Variants in GRAMD1C observed in about 807,000 individuals in gnomAD.
GRAMD1C encodes GRAM domain containing 1C.
A neutral mutation model predicts 97.8 loss-of-function variants in GRAMD1C; 89 were observed. The ratio of observed to expected loss-of-function variants is 0.91; its 90% CI spans 0.77 to 1.09. The LOEUF (loss-of-function observed/expected upper bound fraction) is 1.09. Ranked by LOEUF, GRAMD1C falls within the 50% of genes least tolerant of loss-of-function variation. The pLI is 0.00. For missense variants in GRAMD1C, 740 were observed against 766.4 expected, an observed-to-expected ratio of 0.97 and a Z score of 0.41; for synonymous variants, 256 against 267.0, an observed-to-expected ratio of 0.96 and a Z score of 0.40.
chr3:113,858,808 C>G (rs998913803), intron 2 of GRAMD1C, among the ~76,000 whole-genome samples: 1 of 152,132 alleles, frequency 6.6e-6, no homozygotes, highest in Non-Finnish European at 1.5e-5. Context: ...ACCCGCCCTC[C>G]TCGGCTTCCC....
In GRAMD1C at chr3:113,939,985, G is replaced by T; in HGVS notation, c.1791G>T (p.Glu597Asp). 6.4e-7 allele frequency: 1 copy of T among 1,555,246 alleles called. No homozygotes were observed. The highest frequency in any genetic ancestry group is 8.9e-7 in the Non-Finnish European group (1 of 1,126,432). ...TTTACCGTCTCCGCCTCCAAGAAGAGAAATCTTTAAAGTAAGTCTTTTTCC... is the reference window on the plus strand; with the variant it reads ...TTTACCGTCTCCGCCTCCAAGAAGATAAATCTTTAAAGTAAGTCTTTTTCC... ...QSFYRLRLQE[E>D]KSLNLASDMV... The change falls in exon 16 of 18, where the codon GAG becomes GAT. Residue 597 changes from glutamate (E) to aspartate (D), a missense_variant. Physicochemically the swap from Glu to Asp is conservative, Grantham distance 45. Coordinates refer to ENST00000358160, the MANE Select transcript of GRAMD1C (RefSeq NM_017577.5).
In GRAMD1C at chr3:113,876,273, C is replaced by T. The variant is rs1313643679; in HGVS notation, c.459+13C>T. 3 of 1,380,876 alleles carry T rather than the reference C, an allele frequency of 2.2e-6. No individual in the cohort carries two copies. Among genetic ancestry groups the T allele is most frequent in the East Asian group, 4.6e-5 (2 of 43,720 alleles). The allele number at this position is 1,380,876 out of a possible 1,614,324, so 85.5% of individuals were successfully genotyped here. A position where few individuals can be genotyped will look rare whatever the true frequency, so the allele number is the denominator to read the frequency against. On this transcript the variant is annotated intron_variant, in intron 5 of 17. Coordinates refer to ENST00000358160, the MANE Select transcript of GRAMD1C (RefSeq NM_017577.5). ...AGAAAGTGAAAAGGTGAAAACTTTC[C>T]TATCTTTGTTATATTACATAATGTG...
chr3:113,848,191 G>A (rs1933700134), intron 2 of GRAMD1C, among the ~76,000 whole-genome samples: 1 of 152,158 alleles, frequency 6.6e-6, no homozygotes, highest in African/African-American at 2.4e-5. Flanking sequence ...TAGAGTCTCT[G>A]CTCTGCATCT....
chr3:113,920,988 G>T (rs1276268687), intron 10 of GRAMD1C, among the ~76,000 whole-genome samples: 1 of 152,134 alleles, frequency 6.6e-6, no homozygotes, highest in African/African-American at 2.4e-5. Flanking sequence ...ATGGGAGTTT[G>T]GTGTACAGAT....
intron 6 of GRAMD1C, among the ~76,000 whole-genome samples, chr3:113,888,910 T>A (rs537465211): frequency 1.6e-4 from 25 of 152,222 alleles, no homozygotes; most frequent in African/African-American, 6.0e-4. Flanking sequence ...AATGTATAAA[T>A]AAAATGTATG....
At chr3:113,878,321 T>C (rs886718907) in intron 5 of GRAMD1C, among the ~76,000 whole-genome samples, 2 of 152,106 alleles carry the variant, frequency 1.3e-5, no homozygotes, top group African/African-American at 4.8e-5. Flanking sequence ...ATTTACCTAT[T>C]TTTCTGGCCC....
At chr3:113,877,438 T>C (rs968085066) in intron 5 of GRAMD1C, among the ~76,000 whole-genome samples, 1 of 152,232 alleles carries the variant, frequency 6.6e-6, no homozygotes, top group African/African-American at 2.4e-5. Context: ...GATTACACAT[T>C]ACATTTAGTT....
intron 1 of GRAMD1C, among the ~76,000 whole-genome samples, chr3:113,842,638 C>G (rs1310485870): frequency 6.6e-6 from 1 of 151,996 alleles, no homozygotes; most frequent in Non-Finnish European, 1.5e-5. Context: ...AGAGGCTTCC[C>G]CCATGGCAAT....
chr3:113,941,533 A>G (rs1269486177), intron 17 of GRAMD1C, among the ~76,000 whole-genome samples: 1 of 151,382 alleles, frequency 6.6e-6, no homozygotes, highest in Non-Finnish European at 1.5e-5. Context: ...AAATTCTTCC[A>G]TTGAGTTTTT....
intron 8 of GRAMD1C, 72 bp downstream of exon 8, chr3:113,904,344 G>A (rs1936281366): frequency 9.5e-7 from 1 of 1,057,974 alleles, no homozygotes; most frequent in Non-Finnish European, 1.4e-6. Flanking sequence ...AGATAAATAA[G>A]GATACAGTAT....
Position 113,867,115 on chromosome 3 carries a change from C to T in GRAMD1C, c.175-2392C>T, listed in dbSNP as rs187582149. On this transcript the variant is annotated intron_variant, in intron 2 of 17. Coordinates refer to ENST00000358160, the MANE Select transcript of GRAMD1C (RefSeq NM_017577.5). Reference sequence around the variant, plus strand: ...AAGTGCTGGGATTACAGGCGTGAGCCGTCATGCCTGGCCCACCCTTATGTC... The same window carrying T: ...AAGTGCTGGGATTACAGGCGTGAGCTGTCATGCCTGGCCCACCCTTATGTC... Among the ~76,000 whole-genome samples the T allele has an allele frequency of 2.9e-3, 440 of 152,080 alleles. 2 individuals carry two copies. The highest frequency in any genetic ancestry group is 9.6e-3 in the African/African-American group (397 of 41,476).
chr3:113,919,989 T>C, intron 10 of GRAMD1C: 1 of 672,840 alleles, frequency 1.5e-6, no homozygotes, highest in Non-Finnish European at 2.8e-6. Flanking sequence ...GATATGACCC[T>C]ACTCCAACAA....
At chr3:113,887,609 GAGAA>G (rs112601607) in intron 6 of GRAMD1C, among the ~76,000 whole-genome samples, 49,604 of 149,826 alleles carry the variant, frequency 0.33, 8,727 homozygotes, top group East Asian at 0.62. Context: ...GCTGAGGCAG[GAGAA>G]AGGAGAATGG....
intron 9 of GRAMD1C, among the ~76,000 whole-genome samples, chr3:113,909,904 GATGA>G (rs1936505424): frequency 2.3e-5 from 2 of 86,938 alleles, no homozygotes; most frequent in East Asian, 7.9e-4. Context: ...AGCATAATGG[GATGA>G]GTTTTTTGAA....
Position 113,847,131 on chromosome 3 carries a change from A to G in GRAMD1C, c.174+2482A>G, listed in dbSNP as rs113528530. On this transcript the variant is annotated intron_variant, in intron 2 of 17. Transcript: ENST00000358160. ...AAGGTAGGGAAATTAGTTGATAATA[A>G]CACATAGAGATACCAGCAAGAAATG... Among the ~76,000 whole-genome samples the G allele has an allele frequency of 5.9e-3, 894 of 152,312 alleles. 10 individuals are homozygous for G. Among genetic ancestry groups the G allele is most frequent in the African/African-American group, 0.021 (854 of 41,572 alleles).
At chr3:113,940,715 C>T (rs1012607706) in intron 17 of GRAMD1C, among the ~76,000 whole-genome samples, 1 of 152,098 alleles carries the variant, frequency 6.6e-6, no homozygotes, top group Non-Finnish European at 1.5e-5. Flanking sequence ...CTATTACATA[C>T]ACTGTCCATT....
chr3:113,915,691 GT>G lies in GRAMD1C; in HGVS notation c.953-5del. The G allele has an allele frequency of 6.2e-7, 1 of 1,604,214 alleles. No individual in the cohort carries two copies. The highest frequency in any genetic ancestry group is 8.5e-7 in the Non-Finnish European group (1 of 1,174,346). On this transcript the variant is annotated splice_polypyrimidine_tract_variant and intron_variant, in intron 9 of 17. Coordinates refer to ENST00000358160, the MANE Select transcript of GRAMD1C (RefSeq NM_017577.5). ...TTCTTCTCTTTTGGTTTGTGTTTCT[GT>G]TTTTCCAGAAAATGTTCCTGAGAAA...
chr3:113,895,671 G>A (rs1935911077), intron 6 of GRAMD1C, among the ~76,000 whole-genome samples: 1 of 152,184 alleles, frequency 6.6e-6, no homozygotes, highest in Admixed American at 6.5e-5. Context: ...TGGCAGTATA[G>A]AAGTGTTTGT....
intron 8 of GRAMD1C, 134 bp downstream of exon 8, chr3:113,904,406 G>A: frequency 1.6e-6 from 1 of 638,854 alleles, no homozygotes; most frequent in Non-Finnish European, 2.6e-6. Context: ...TAGGAAAAAA[G>A]TTTAAAGTCT....
Sources: gnomAD v4.1 joint callset for allele counts (sites outside exome capture counted in the v4.1 genomes callset) on GRCh38, gnomAD v4.1.1 for gene constraint, MANE v1.5 for transcripts, NCBI Gene and HGNC (gene_info 2026-07-23, HGNC 2026-07-21) for gene names.